Variants in PSMD6 observed in about 807,000 individuals in gnomAD.
PSMD6 encodes the protein proteasome 26S subunit, non-ATPase 6.
In PSMD6, 7 loss-of-function variants were observed where a neutral mutation model predicts 44.9. The observed-to-expected ratio is 0.16, with a 90% confidence interval of 0.09 to 0.29. PSMD6 has a LOEUF of 0.29. Ranked by LOEUF, PSMD6 falls within the 10% of genes least tolerant of loss-of-function variation. PSMD6 has a pLI of 1.00. For missense variants in PSMD6, 420 were observed against 482.6 expected (o/e 0.87, Z 1.21); for synonymous variants, 184 against 172.7 (o/e 1.07, Z -0.51).
chr3:64,023,113 C>T (rs1335064899), intron 1 of PSMD6, 162 bp downstream of exon 1: 1 of 1,426,146 alleles, frequency 7.0e-7, no homozygotes, highest in Non-Finnish European at 9.1e-7. Context: ...CCCAGGGTAT[C>T]CCCAAACCAA....
At chr3:64,023,821 G>A (rs1232066870), upstream of PSMD6, 1 of 1,477,574 alleles carries the variant, frequency 6.8e-7, no homozygotes, top group South Asian at 1.2e-5. Flanking sequence ...TTGTCGAGTC[G>A]TTACTCTCAT....
At chr3:64,011,651 A>G (rs1576022668) in intron 6 of PSMD6, 1 of 91,034 alleles carries the variant, frequency 1.1e-5, no homozygotes. Flanking sequence ...CATGAAGGGA[A>G]AAAAAAAAAA....
intron 1 of PSMD6, chr3:64,022,905 C>T: frequency 6.8e-7 from 1 of 1,476,124 alleles, no homozygotes; most frequent in Non-Finnish European, 9.0e-7. Context: ...CCAAATTTCC[C>T]TTCCACAGGC....
chr3:64,019,658 G>A lies in PSMD6; in HGVS notation c.352-217C>T, dbSNP rs142822025. ...TGTATAAAGTTTAAAAAATACATAA[G>A]AAATGCCCAAGCATATACTTAGATT... On this transcript the variant is annotated intron_variant, in intron 2 of 7. Transcript: ENST00000295901. 9.9e-5 allele frequency: 45 copies of A among 455,394 alleles called. No individual in the cohort carries two copies. The East Asian group carries it at 1.4e-3, about 15-fold the overall frequency. 28.2% of individuals were successfully genotyped at this position (455,394 alleles called of 1,614,324 possible).
chr3:64,022,557 A>G, intron 1 of PSMD6, 34 bp from the exon 2 acceptor site: 1 of 1,610,964 alleles, frequency 6.2e-7, no homozygotes, highest in Non-Finnish European at 8.5e-7. Flanking sequence ...GTGAGTGGGG[A>G]CACTTGTGCC....
intron 2 of PSMD6, among the ~76,000 whole-genome samples, chr3:64,020,840 G>A (rs991131809): frequency 1.6e-4 from 24 of 152,110 alleles, no homozygotes. Context: ...TCTGATTCAA[G>A]AGCTCATGTT....
In PSMD6 at chr3:64,023,333, G is replaced by A. The variant is rs368083857; in HGVS notation, c.87C>T (p.Pro29=). The A allele has an allele frequency of 2.7e-5, 43 of 1,605,400 alleles. 1 individual carries two copies. In the South Asian group the frequency reaches 2.8e-4, roughly 10 times the overall value. Residue 29 remains proline (P), a synonymous_variant, in exon 1 of 8, where the codon CCC becomes CCT. Transcript: ENST00000295901. ...IAQLRFLLSL[P]EHRGDAAVRD... is the part of the protein sequence containing the mutation. ...GCACGGCAGCGTCTCCGCGGTGCTC[G>A]GGCAGGCTGAGCAGGAAGCGCAGCT...
rs1455461358 is a variant in PSMD6, at chr3:64,013,443, C to G, written c.991G>C (p.Asp331His). Residue 331 changes from aspartate to histidine, a missense_variant, in exon 6 of 8, where the codon GAT becomes CAT. Coordinates refer to ENST00000295901, the MANE Select transcript of PSMD6 (RefSeq NM_014814.3). ...CATGGCATTATTCAAACTTACTGAT[C>G]AATGAATTCCACACCAACACCAAAC... ...EAFGVGVEFI[D>H]QELSRFIAAG... The G allele has an allele frequency of 6.4e-7, 1 of 1,559,814 alleles. No individual in the cohort carries two copies. Among genetic ancestry groups the G allele is most frequent in the Admixed American group, 2.0e-5 (1 of 48,904 alleles).
intron 5 of PSMD6, chr3:64,017,398 C>T (rs2076062842): frequency 6.6e-6 from 1 of 151,718 alleles, no homozygotes; most frequent in South Asian, 2.1e-4. Context: ...AGGGCTCCCT[C>T]AATTTTTTTG....
At chr3:64,020,492 C>T (rs2076112173) in intron 2 of PSMD6, among the ~76,000 whole-genome samples, 1 of 152,146 alleles carries the variant, frequency 6.6e-6, no homozygotes. Context: ...TCAAGTTTCT[C>T]ATTCATATGT....
Position 64,023,387 on chromosome 3 carries a change from C to G in PSMD6, c.33G>C (p.Leu11=), listed in dbSNP as rs1316873262. Reference sequence around the variant, plus strand: ...CGATACGCAAGTCGGGGTTCTTGGGCAGACCCTCCTCCTCCAGGTTCTCCA... The same window carrying G: ...CGATACGCAAGTCGGGGTTCTTGGGGAGACCCTCCTCCTCCAGGTTCTCCA... The part of the protein sequence containing the change: MPLENLEEEG[L]PKNPDLRIAQ... Residue 11 remains leucine, a synonymous_variant, in exon 1 of 8, where the codon CTG becomes CTC. Coordinates refer to ENST00000295901, the MANE Select transcript of PSMD6 (RefSeq NM_014814.3). 2 of 1,610,084 alleles carry G rather than the reference C, an allele frequency of 1.2e-6. No individual in the cohort carries two copies. Among genetic ancestry groups the G allele is most frequent in the African/African-American group, 2.7e-5 (2 of 74,664 alleles).
intron 5 of PSMD6, chr3:64,018,272 G>C (rs2076078153): frequency 5.5e-6 from 1 of 182,900 alleles, no homozygotes; most frequent in Non-Finnish European, 1.2e-5. Context: ...CTCTTAACCA[G>C]GGGTCTGGCA....
chr3:64,012,279 C>T (rs1349417000), intron 6 of PSMD6: 1 of 151,864 alleles, frequency 6.6e-6, no homozygotes, highest in Non-Finnish European at 1.5e-5. Context: ...CACTGCAGAC[C>T]ATTGAAAACA....
upstream of PSMD6, chr3:64,023,642 C>G (rs114365073): frequency 0.025 from 36,251 of 1,436,796 alleles, 557 homozygotes; most frequent in Non-Finnish European, 0.03. Flanking sequence ...CTCAAGGCCC[C>G]CTGCGGAGTC....
At position 64,010,769 on chromosome 3, in the gene PSMD6, A is replaced by AAATAAATTCAAGAAAAAATGAATTATTT; in HGVS notation, c.1074-33_1074-6dup. On this transcript the variant is annotated splice_polypyrimidine_tract_variant and splice_region_variant and intron_variant, in intron 7 of 7. Coordinates refer to ENST00000295901, the MANE Select transcript of PSMD6 (RefSeq NM_014814.3). ...TGCCAGTTCTTGCTATCAGGTCTAT[A>AAATAAATTCAAGAAAAAATGAATTATTT]AATAAATTCAAGAAAAAATGAATTA... 6.3e-7 allele frequency: 1 copy of AAATAAATTCAAGAAAAAATGAATTATTT among 1,593,326 alleles called. No individual in the cohort carries two copies. Among genetic ancestry groups the AAATAAATTCAAGAAAAAATGAATTATTT allele is most frequent in the Non-Finnish European group, 8.6e-7 (1 of 1,165,280 alleles).
At chr3:64,015,139 C>G (rs923222747) in intron 5 of PSMD6, 4 of 152,104 alleles carry the variant, frequency 2.6e-5, no homozygotes, top group African/African-American at 9.7e-5. Flanking sequence ...CATAAAACAT[C>G]AATAAAATTA....
chr3:64,011,196 G>GAAACCATATGTA (rs1553698272), intron 6 of PSMD6: 1 of 363,644 alleles, frequency 2.7e-6, no homozygotes, highest in African/African-American at 2.1e-5. Flanking sequence ...ATCAAACAAT[G>GAAACCATATGTA]AAACCATATG....
intron 6 of PSMD6, chr3:64,012,725 A>C (rs568684405): frequency 2.0e-5 from 3 of 152,246 alleles, no homozygotes; most frequent in African/African-American, 7.2e-5. Context: ...AGCCTTTTCT[A>C]TTCCCTTTTC....
At position 64,022,596 on chromosome 3, in the gene PSMD6, AC is replaced by A. The variant is rs574113068; in HGVS notation, c.146-74del. On this transcript the variant is annotated intron_variant, in intron 1 of 7. Transcript: ENST00000295901. ...AAGTCAAAGTCTGCCCACGTATTTC[AC>A]CCCCCGCCCCGCCACAAGTCATCCA... The A allele has an allele frequency of 4.4e-5, 66 of 1,516,260 alleles. No individual in the cohort carries two copies. In the South Asian group the frequency reaches 7.0e-4, roughly 16 times the overall value. The allele number at this position is 1,516,260 out of a possible 1,614,324, so 93.9% of individuals were successfully genotyped here. A position where few individuals can be genotyped will look rare whatever the true frequency, so the allele number is the denominator to read the frequency against.
Sources: allele counts gnomAD v4.1 joint callset (sites outside exome capture counted in the v4.1 genomes callset), GRCh38; gene constraint gnomAD v4.1.1; transcripts MANE v1.5; gene names NCBI Gene and HGNC (gene_info 2026-07-23, HGNC 2026-07-21).